Variants in WDR7 observed in about 807,000 individuals in gnomAD.
WDR7 encodes the protein WD repeat-containing protein 7.
Under a neutral mutation model 169.4 loss-of-function variants are expected in WDR7, and 46 were observed. The observed-to-expected ratio is 0.27, with a 90% CI of 0.21 to 0.35. WDR7 has a LOEUF of 0.35. WDR7 is among the 10% of genes least tolerant of loss of function. The pLI, the probability that WDR7 is intolerant of heterozygous loss-of-function variation, is 1.00. For synonymous variants in WDR7, 612 were observed against 666.8 expected, an observed-to-expected ratio of 0.92 and a Z score of 1.27; for missense variants, 1,534 against 1,859.3, an observed-to-expected ratio of 0.83 and a Z score of 3.22.
At chr18:56,660,935 C>A (rs2024892051) in intron 1 of WDR7, among the ~76,000 whole-genome samples, 1 of 152,110 alleles carries the variant, frequency 6.6e-6, no homozygotes, top group African/African-American at 2.4e-5. Flanking sequence ...AGAAGTTTAA[C>A]TTGAGACATC....
chr18:56,807,360 C>T (rs1406739953), intron 19 of WDR7, among the ~76,000 whole-genome samples: 1 of 152,054 alleles, frequency 6.6e-6, no homozygotes, highest in Admixed American at 6.6e-5. Flanking sequence ...GGTTGAACAA[C>T]ATAGTCTTTG....
rs1202208882 is a variant in WDR7 at position 56,664,515 on chromosome 18, GTT to G, written c.-19-7972_-19-7971del. Reference sequence around the variant, plus strand: ...AGGAAGATTTTTGCAGAGTTCAGAAGTTTTTTTTTTTCTCCTTTTTTTTTTTT... The same window carrying G: ...AGGAAGATTTTTGCAGAGTTCAGAAGTTTTTTTTTCTCCTTTTTTTTTTTT... On this transcript the variant is annotated intron_variant, in intron 1 of 27. Coordinates refer to ENST00000254442, the MANE Select transcript of WDR7 (RefSeq NM_015285.3). 2.1e-4 allele frequency among the ~76,000 whole-genome samples: 24 copies of G among 112,462 alleles called. No individual in the cohort carries two copies. In the East Asian group the frequency reaches 6.5e-3, roughly 31 times the overall value. 73.8% of individuals were successfully genotyped at this position (112,462 alleles called of 152,430 possible).
intron 27 of WDR7, 62 bp downstream of exon 27, chr18:57,020,911 C>G (rs1461422016): frequency 6.7e-7 from 1 of 1,503,350 alleles, no homozygotes; most frequent in East Asian, 2.3e-5. Flanking sequence ...TGGTAGTAAG[C>G]CTTCCTGTTG....
At chr18:56,745,062 A>T (rs2043681396) in intron 14 of WDR7, among the ~76,000 whole-genome samples, 1 of 152,204 alleles carries the variant, frequency 6.6e-6, no homozygotes, top group South Asian at 2.1e-4. Flanking sequence ...ATGCAGTGCC[A>T]TCTAACAGGC....
intron 14 of WDR7, among the ~76,000 whole-genome samples, chr18:56,738,431 A>G (rs1435778697): frequency 9.9e-5 from 15 of 152,072 alleles, no homozygotes; most frequent in Non-Finnish European, 4.4e-5. Flanking sequence ...AGTGGCACAC[A>G]CCTGTGGTCC....
intron 20 of WDR7, among the ~76,000 whole-genome samples, chr18:56,839,708 G>T (rs976258126): frequency 2.6e-5 from 4 of 152,100 alleles, no homozygotes; most frequent in African/African-American, 9.7e-5. Flanking sequence ...AGATGTATCT[G>T]GTATGATTTT....
At chr18:56,675,590 T>C (rs1192922937) in intron 2 of WDR7, among the ~76,000 whole-genome samples, 1 of 151,884 alleles carries the variant, frequency 6.6e-6, no homozygotes, top group Middle Eastern at 3.2e-3. Flanking sequence ...TTATTACTTC[T>C]AATAGTTTTT....
chr18:56,968,027 A>G (rs1047728809), intron 26 of WDR7, among the ~76,000 whole-genome samples: 1 of 152,198 alleles, frequency 6.6e-6, no homozygotes, highest in African/African-American at 2.4e-5. Flanking sequence ...AACCACAGAC[A>G]GACTGTACTA....
chr18:56,792,578 A>C (rs964127512), intron 19 of WDR7, among the ~76,000 whole-genome samples: 1 of 151,866 alleles, frequency 6.6e-6, no homozygotes, highest in Non-Finnish European at 1.5e-5. Flanking sequence ...ACGTAAAACC[A>C]ATAAAAAGTA....
intron 5 of WDR7, among the ~76,000 whole-genome samples, chr18:56,683,970 C>G (rs1335936760): frequency 6.6e-6 from 1 of 151,980 alleles, no homozygotes; most frequent in African/African-American, 2.4e-5. Context: ...AAACAAATAA[C>G]AGTTTAGAGT....
In WDR7 at chr18:56,795,841, A is replaced by T. The variant is rs187194335; in HGVS notation, c.3190+14185A>T. Among the ~76,000 whole-genome samples the T allele has an allele frequency of 5.9e-5, 9 of 152,180 alleles. No individual in the cohort carries two copies. The East Asian group carries it at 1.4e-3, about 23-fold the overall frequency. On this transcript the variant is annotated intron_variant, in intron 19 of 27. Transcript: ENST00000254442. ...AGTTAAATTATTGTGCTTAAAGGTCACTGGAAATAGTTTCTCTCTGTGGGA... is the reference window on the plus strand; with the variant it reads ...AGTTAAATTATTGTGCTTAAAGGTCTCTGGAAATAGTTTCTCTCTGTGGGA...
chr18:57,024,258 C>G (rs974708188), intron 27 of WDR7, among the ~76,000 whole-genome samples: 2 of 152,122 alleles, frequency 1.3e-5, no homozygotes, highest in South Asian at 2.1e-4. Context: ...TGCATTCATT[C>G]AAGGCTCAAG....
intron 25 of WDR7, among the ~76,000 whole-genome samples, chr18:56,962,069 A>G (rs1027873455): frequency 6.6e-6 from 1 of 152,116 alleles, no homozygotes; most frequent in Non-Finnish European, 1.5e-5. Flanking sequence ...GCTCAAATAG[A>G]ACTATTTGCA....
rs373250799 is a variant in WDR7 at position 56,866,587 on chromosome 18, A to T, written c.3305-13357A>T. On this transcript the variant is annotated intron_variant, in intron 20 of 27. Coordinates refer to ENST00000254442, the MANE Select transcript of WDR7 (RefSeq NM_015285.3). ...AATCAAAAACATTGGATTAAGTATT[A>T]GATAAATTATTTTTTCTTTTGCTAA... Among the ~76,000 whole-genome samples, 7 of 151,916 alleles carry T rather than the reference A, an allele frequency of 4.6e-5. No homozygotes were observed. The East Asian group carries it at 1.3e-3, about 29-fold the overall frequency.
At position 56,653,429 on chromosome 18, in the gene WDR7, A is replaced by T. The variant is rs530626338; in HGVS notation, c.-20+1853A>T. On this transcript the variant is annotated intron_variant, in intron 1 of 27. Coordinates refer to ENST00000254442, the MANE Select transcript of WDR7 (RefSeq NM_015285.3). ...ACCATGTTGGTCAGGCTGGTCTCGA[A>T]CTCCTGACCTCAGGTGATCCACCAG... Among the ~76,000 whole-genome samples the T allele has an allele frequency of 1.2e-4, 18 of 151,968 alleles. No homozygotes were observed. In the East Asian group the frequency reaches 3.1e-3, roughly 26 times the overall value.
intron 19 of WDR7, among the ~76,000 whole-genome samples, chr18:56,793,084 A>T (rs1417609887): frequency 1.3e-5 from 2 of 152,184 alleles, no homozygotes; most frequent in Non-Finnish European, 2.9e-5. Context: ...TGACTAAAAT[A>T]GTTGTCTCCT....
intron 19 of WDR7, among the ~76,000 whole-genome samples, chr18:56,815,082 T>TAACA (rs2044941917): frequency 1.3e-5 from 2 of 152,182 alleles, no homozygotes; most frequent in Non-Finnish European, 2.9e-5. Flanking sequence ...ACATAAATGT[T>TAACA]TAAGTTAATA....
intron 13 of WDR7, among the ~76,000 whole-genome samples, chr18:56,730,794 ATAAAT>A (rs781396540): frequency 4.6e-5 from 7 of 152,026 alleles, no homozygotes; most frequent in Non-Finnish European, 8.8e-5. Flanking sequence ...AAATAAATAA[ATAAAT>A]AAGTAAAGTA....
downstream of WDR7, chr18:57,034,542 G>A (rs978595500): frequency 1.8e-4 from 27 of 152,302 alleles, no homozygotes; most frequent in African/African-American, 6.3e-4. Context: ...ACCCATCACT[G>A]GTCGTGGGCC....
Sources: gnomAD v4.1 joint callset for allele counts (sites outside exome capture counted in the v4.1 genomes callset) on GRCh38, gnomAD v4.1.1 for gene constraint, MANE v1.5 for transcripts, NCBI Gene and HGNC (gene_info 2026-07-23, HGNC 2026-07-21) for gene names.